ZNF521: variants seen among roughly 807,000 people sequenced by gnomAD.
ZNF521 encodes the protein zinc finger protein 521, also known as LYST-interacting protein 3.
A neutral mutation model predicts 105.5 loss-of-function variants in ZNF521; 14 were observed. The ratio of observed to expected loss-of-function variants is 0.13; its 90% confidence interval spans 0.09 to 0.21. The LOEUF is 0.21. Ranked by LOEUF, ZNF521 falls within the 10% of genes least tolerant of loss-of-function variation. The pLI is 1.00. For missense variants in ZNF521, 1,233 were observed against 1,629.7 expected (o/e 0.76, Z 4.19); for synonymous variants, 635 against 606.0 (o/e 1.05, Z -0.70).
chr18:25,274,155 A>G (rs1281625436), intron 3 of ZNF521, among the ~76,000 whole-genome samples: 4 of 152,218 alleles, frequency 2.6e-5, no homozygotes, highest in Non-Finnish European at 5.9e-5. Context: ...AGACTCTGCT[A>G]TAAGAATTAT....
Position 25,351,053 on chromosome 18 carries a change from C to T in ZNF521, c.-1-106G>A. 7 of 877,036 alleles carry T rather than the reference C, an allele frequency of 8.0e-6. 1 individual carries two copies. The highest frequency in any genetic ancestry group is 1.1e-5 in the Non-Finnish European group (7 of 661,130). 54.3% of individuals were successfully genotyped at this position (877,036 alleles called of 1,614,324 possible). On this transcript the variant is annotated intron_variant, in intron 1 of 7. Coordinates refer to ENST00000361524, the MANE Select transcript of ZNF521 (RefSeq NM_015461.3). The stretch of plus-strand genomic sequence containing the variant: ...GCGGCGCCTCGCGCCCTCCGCTCGG[C>T]CTCCCTCGCGCCCTCGCTCCGCGCT...
chr18:25,269,579 T>C (rs901074064), intron 3 of ZNF521, among the ~76,000 whole-genome samples: 12 of 152,122 alleles, frequency 7.9e-5, no homozygotes, highest in African/African-American at 2.2e-4. Context: ...ATGGAAGTCA[T>C]AACAAACAGT....
intron 2 of ZNF521, among the ~76,000 whole-genome samples, chr18:25,334,840 T>C (rs564862936): frequency 2.5e-3 from 374 of 152,280 alleles, no homozygotes; most frequent in South Asian, 4.1e-3. Flanking sequence ...TCATCCAGAA[T>C]AGAAAGCTAT....
rs181101023 is a variant in ZNF521, at chr18:25,336,969, C to A, written c.40+13938G>T. Among the ~76,000 whole-genome samples, 8 of 152,222 alleles carry A rather than the reference C, an allele frequency of 5.3e-5. No individual in the cohort carries two copies. In the East Asian group the frequency reaches 9.7e-4, roughly 18 times the overall value. ...TCTTTGAATTAGGTACTAGTAGGAC[C>A]CTCATTTACAGATGGAGAAACTGTA... On this transcript the variant is annotated intron_variant, in intron 2 of 7. Coordinates refer to ENST00000361524, the MANE Select transcript of ZNF521 (RefSeq NM_015461.3).
intron 3 of ZNF521, among the ~76,000 whole-genome samples, chr18:25,265,863 G>T (rs186048281): frequency 8.5e-5 from 13 of 152,262 alleles, no homozygotes; most frequent in African/African-American, 3.1e-4. Flanking sequence ...CATAAAAAAA[G>T]AATAAGATCC....
chr18:25,085,101 A>T (rs545876115), intron 7 of ZNF521, among the ~76,000 whole-genome samples: 29 of 152,042 alleles, frequency 1.9e-4, no homozygotes, highest in Non-Finnish European at 3.1e-4. Flanking sequence ...TCCAAAGCAC[A>T]TCTCCTCTCC....
rs575116995 is a variant in ZNF521 at position 25,189,783 on chromosome 18, T to C, written c.3658+5377A>G. 5.9e-5 allele frequency among the ~76,000 whole-genome samples: 9 copies of C among 152,372 alleles called. 1 individual carries two copies. In the South Asian group the frequency reaches 1.9e-3, roughly 32 times the overall value. The stretch of plus-strand genomic sequence containing the variant: ...GCACAGTAGGTGTGACACAATTTTT[T>C]AGACAAAAGTTACGTTATAAACAAA... On this transcript the variant is annotated intron_variant, in intron 5 of 7. Coordinates refer to ENST00000361524, the MANE Select transcript of ZNF521 (RefSeq NM_015461.3).
intron 7 of ZNF521, among the ~76,000 whole-genome samples, chr18:25,075,513 G>A (rs755320912): frequency 3.9e-5 from 6 of 152,158 alleles, no homozygotes; most frequent in Non-Finnish European, 8.8e-5. Context: ...CATTCAAAGC[G>A]GTTTGGCGAG....
chr18:25,290,554 T>G (rs989382000), intron 3 of ZNF521, among the ~76,000 whole-genome samples: 1 of 152,030 alleles, frequency 6.6e-6, no homozygotes, highest in Admixed American at 6.6e-5. Flanking sequence ...AGAGAGCAAT[T>G]TCTACTTCTA....
chr18:25,187,698 G>GCT (rs540137058), intron 5 of ZNF521, among the ~76,000 whole-genome samples: 33 of 152,046 alleles, frequency 2.2e-4, no homozygotes, highest in Non-Finnish European at 4.4e-4. Flanking sequence ...ATGTCCCAGG[G>GCT]CTCTCTCCAT....
At chr18:25,177,371 C>T (rs1055029237) in intron 5 of ZNF521, among the ~76,000 whole-genome samples, 3 of 151,970 alleles carry the variant, frequency 2.0e-5, no homozygotes, top group South Asian at 4.2e-4. Context: ...TCATAGGCAC[C>T]CATGGTATCA....
chr18:25,265,194 G>A (rs1909165188), intron 3 of ZNF521, among the ~76,000 whole-genome samples: 1 of 152,118 alleles, frequency 6.6e-6, no homozygotes, highest in South Asian at 2.1e-4. Context: ...CTCACAAGTT[G>A]CCACCTAACT....
intron 3 of ZNF521, among the ~76,000 whole-genome samples, chr18:25,250,255 AT>A (rs1568035172): frequency 6.6e-6 from 1 of 152,176 alleles, no homozygotes; most frequent in Non-Finnish European, 1.5e-5. Flanking sequence ...ACTCTTTCCT[AT>A]TAAGCAAGGC....
chr18:25,238,930 C>T (rs1392773013), intron 3 of ZNF521, among the ~76,000 whole-genome samples: 1 of 152,176 alleles, frequency 6.6e-6, no homozygotes, highest in Non-Finnish European at 1.5e-5. Context: ...CATTCCCAAG[C>T]TTGAGAATCA....
At chr18:25,131,929 T>C (rs759397469) in intron 5 of ZNF521, among the ~76,000 whole-genome samples, 12 of 152,168 alleles carry the variant, frequency 7.9e-5, no homozygotes, top group Admixed American at 5.9e-4. Flanking sequence ...TTCATTGACA[T>C]TGTCGCCAAT....
intron 4 of ZNF521, among the ~76,000 whole-genome samples, chr18:25,199,548 GTATT>G (rs1353890738): frequency 6.6e-6 from 1 of 151,888 alleles, no homozygotes; most frequent in African/African-American, 2.4e-5. Context: ...TGCATACTGA[GTATT>G]TAGGGATGAA....
chr18:25,148,957 C>A (rs2034995782), intron 5 of ZNF521, among the ~76,000 whole-genome samples: 1 of 152,164 alleles, frequency 6.6e-6, no homozygotes, highest in South Asian at 2.1e-4. Flanking sequence ...AGTGTGCTCA[C>A]ATAAATGAAC....
rs778279794 is a variant in ZNF521, at chr18:25,227,234, C to T, written c.684G>A (p.Lys228=). The change falls in exon 4 of 8, where the codon AAG becomes AAA. Residue 228 remains lysine, a synonymous_variant. Coordinates refer to ENST00000361524, the MANE Select transcript of ZNF521 (RefSeq NM_015461.3). The surrounding 1 kb of genome is among the most constrained non-coding windows in gnomAD (Gnocchi z 5.7). ...TCCTGGAACCGGACTGAGAGCCGTC[C>T]TTGTTCCTCTCATGAACCTGCATGT... ...HGHMQVHERN[K]DGSQSGSRME... is the part of the protein sequence containing the mutation. 6.2e-7 allele frequency: 1 copy of T among 1,614,176 alleles called. No homozygotes were observed. The highest frequency in any genetic ancestry group is 1.1e-5 in the South Asian group (1 of 91,082).
chr18:25,189,377 T>C (rs752324586), intron 5 of ZNF521, among the ~76,000 whole-genome samples: 28 of 152,232 alleles, frequency 1.8e-4, no homozygotes, highest in Non-Finnish European at 3.2e-4. Context: ...GTCTGCTTCA[T>C]TGGTACCATG....
Sources: gnomAD v4.1 joint callset for allele counts (sites outside exome capture counted in the v4.1 genomes callset) on GRCh38, gnomAD v4.1.1 for gene constraint, Gnocchi (gnomAD v3.1) non-coding constraint, MANE v1.5 for transcripts, NCBI Gene and HGNC (gene_info 2026-07-23, HGNC 2026-07-21) for gene names.